CREBBP: variants seen among roughly 807,000 people sequenced by gnomAD.
CREBBP encodes CREB-binding protein.
CREBBP carries 19 observed loss-of-function variants against 265.0 expected under a neutral mutation model. That is an observed-to-expected ratio of 0.07 (90% CI 0.05 to 0.11). The LOEUF (loss-of-function observed/expected upper bound fraction) is 0.11, where lower values mean the gene tolerates loss of function less well. Ranked by LOEUF, CREBBP falls within the 10% of genes least tolerant of loss-of-function variation. CREBBP has a pLI of 1.00. For missense variants in CREBBP, 2,525 were observed against 3,219.0 expected, an observed-to-expected ratio of 0.78 and a Z score of 5.22; for synonymous variants, 1,457 against 1,223.7, an observed-to-expected ratio of 1.19 and a Z score of -3.98.
intron 3 of CREBBP, among the ~76,000 whole-genome samples, chr16:3,795,622 T>A (rs1055584118): frequency 1.3e-5 from 2 of 152,330 alleles, no homozygotes; most frequent in East Asian, 1.9e-4. Context: ...CCCTCCTTTA[T>A]TTTTTATAAC....
Position 3,729,188 on chromosome 16 carries a change from A to T in CREBBP, c.5859T>A (p.Pro1953=), listed in dbSNP as rs202187567. The T allele has an allele frequency of 2.2e-6, 2 of 900,304 alleles. No homozygotes were observed. Among genetic ancestry groups the T allele is most frequent in the African/African-American group, 4.6e-5 (2 of 43,136 alleles). 55.8% of individuals were successfully genotyped at this position (900,304 alleles called of 1,614,324 possible). ...PAPPPPAQPP[P]AAVEAARQIE... is the part of the protein sequence containing the mutation. ...TCTGCCGAGCCGCTTCCACCGCTGC[A>T]GGAGGGGGCTGGGCCGGGGGTGGGG... Residue 1953 remains proline, a synonymous_variant, in exon 31 of 31, where the codon CCT becomes CCA. Coordinates refer to ENST00000262367, the MANE Select transcript of CREBBP (RefSeq NM_004380.3).
At chr16:3,808,249 G>A (rs2053870509) in intron 3 of CREBBP, among the ~76,000 whole-genome samples, 1 of 152,214 alleles carries the variant, frequency 6.6e-6, no homozygotes, top group Non-Finnish European at 1.5e-5. Context: ...AGGATGAGAT[G>A]CTGTTGCTAC....
At chr16:3,738,104 A>G (rs1297602100) in intron 26 of CREBBP, among the ~76,000 whole-genome samples, 1 of 151,794 alleles carries the variant, frequency 6.6e-6, no homozygotes, top group East Asian at 1.9e-4. Context: ...AATTTTTAGT[A>G]GAGATGGGGT....
At chr16:3,833,532 C>G (rs559960262) in intron 2 of CREBBP, among the ~76,000 whole-genome samples, 6 of 152,268 alleles carry the variant, frequency 3.9e-5, no homozygotes, top group Admixed American at 2.0e-4. Flanking sequence ...TATTTTTATT[C>G]TCAGACAACA....
chr16:3,768,698 C>A (rs2052924466), intron 15 of CREBBP, among the ~76,000 whole-genome samples: 1 of 152,162 alleles, frequency 6.6e-6, no homozygotes, highest in African/African-American at 2.4e-5. Context: ...ATGCTGAAAG[C>A]ATCTCATTTT....
chr16:3,879,973 G>T lies in CREBBP; in HGVS notation c.-57C>A. On this transcript the variant is annotated 5_prime_UTR_variant, in exon 1 of 31. Transcript: ENST00000262367. ...CGGGCGGCCGGGCCGGCGAGGGCCCGGACGGGGGTCGGGGGCCCTGCCGGC... is the reference window on the plus strand; with the variant it reads ...CGGGCGGCCGGGCCGGCGAGGGCCCTGACGGGGGTCGGGGGCCCTGCCGGC... 1 of 1,532,386 alleles carries T rather than the reference G, an allele frequency of 6.5e-7. No homozygotes were observed. The highest frequency in any genetic ancestry group is 1.2e-5 in the South Asian group (1 of 85,430). The allele number at this position is 1,532,386 out of a possible 1,614,324, so 94.9% of individuals were successfully genotyped here. A position where few individuals can be genotyped will look rare whatever the true frequency, so the allele number is the denominator to read the frequency against.
At chr16:3,862,536 G>A (rs2055098633) in intron 1 of CREBBP, among the ~76,000 whole-genome samples, 1 of 152,154 alleles carries the variant, frequency 6.6e-6, no homozygotes, top group Non-Finnish European at 1.5e-5. Flanking sequence ...TAGAATTTGG[G>A]TTTTCTTGTT....
intron 5 of CREBBP, 122 bp from the exon 6 acceptor site, chr16:3,783,048 A>C: frequency 1.5e-6 from 2 of 1,295,442 alleles, no homozygotes; most frequent in Non-Finnish European, 2.2e-6. Context: ...CATGAATATC[A>C]TAAAGCAGTA....
chr16:3,870,847 G>A (rs554769405), intron 1 of CREBBP, among the ~76,000 whole-genome samples: 18 of 152,194 alleles, frequency 1.2e-4, no homozygotes, highest in African/African-American at 3.6e-4. Flanking sequence ...CATGTACCAA[G>A]ATAATCAAAG....
At chr16:3,787,969 C>T (rs1374854725) in intron 5 of CREBBP, among the ~76,000 whole-genome samples, 3 of 152,188 alleles carry the variant, frequency 2.0e-5, no homozygotes, top group Non-Finnish European at 2.9e-5. Context: ...TTAGCCACTG[C>T]GTCCGGCCAA....
At chr16:3,762,976 G>A (rs749276507) in intron 16 of CREBBP, among the ~76,000 whole-genome samples, 1 of 151,654 alleles carries the variant, frequency 6.6e-6, no homozygotes, top group Non-Finnish European at 1.5e-5. Context: ...GGGTTTCACT[G>A]TATTAGCCAG....
chr16:3,849,423 GTGTGTGTGTGTGTGTGTGT>G (rs2054746654), intron 2 of CREBBP, among the ~76,000 whole-genome samples: 48 of 9,844 alleles, frequency 4.9e-3, no homozygotes, highest in Non-Finnish European at 0.01. Flanking sequence ...GTGTGTGTGT[GTGTGTGTGTGTGTGTGTGT>G]GTGTGTGTGT....
chr16:3,753,892 G>A (rs1341023131), intron 19 of CREBBP, among the ~76,000 whole-genome samples: 1 of 152,190 alleles, frequency 6.6e-6, no homozygotes, highest in Non-Finnish European at 1.5e-5. Flanking sequence ...AATCACAGGT[G>A]AGTCTAAATG....
At position 3,850,859 on chromosome 16, in the gene CREBBP, C is replaced by T. The variant is rs1200676852; in HGVS notation, c.236G>A (p.Gly79Asp). 2 of 1,614,202 alleles carry T rather than the reference C, an allele frequency of 1.2e-6. No homozygotes were observed. The highest frequency in any genetic ancestry group is 1.7e-6 in the Non-Finnish European group (2 of 1,180,050). ...TCCTATTCCTGGGTTGATACTAGAGCCGCTGCCTCCTCGTAGAAGCTCCGA... is the reference window on the plus strand; with the variant it reads ...TCCTATTCCTGGGTTGATACTAGAGTCGCTGCCTCCTCGTAGAAGCTCCGA... ...QLSELLRGGS[G>D]SSINPGIGNV... The change falls in exon 2 of 31, where the codon GGC becomes GAC. Residue 79 changes from glycine to aspartate, a missense_variant. Coordinates refer to ENST00000262367, the MANE Select transcript of CREBBP (RefSeq NM_004380.3).
In CREBBP at chr16:3,727,773, G is replaced by A. The variant is rs545097572; in HGVS notation, c.7274C>T (p.Ser2425Phe). 2 of 1,614,166 alleles carry A rather than the reference G, an allele frequency of 1.2e-6. No individual in the cohort carries two copies. Among genetic ancestry groups the A allele is most frequent in the Non-Finnish European group, 1.7e-6 (2 of 1,180,032 alleles). Residue 2425 changes from serine (S) to phenylalanine (F), a missense_variant, in exon 31 of 31, where the codon TCC becomes TTC. This residue lies in a region of CREBBP where 473 missense variants were observed against 459.3 expected (regional missense o/e 1.03). Coordinates refer to ENST00000262367, the MANE Select transcript of CREBBP (RefSeq NM_004380.3). Reference sequence around the variant, plus strand: ...GTCCCCCGTGGTGTCCCCGACCAGGGACAGTTCGCTGGACAGCGCACTCCT... The same window carrying A: ...GTCCCCCGTGGTGTCCCCGACCAGGAACAGTTCGCTGGACAGCGCACTCCT... ...PSRSALSSEL[S>F]LVGDTTGDTL...
At chr16:3,834,874 T>C (rs1368990772) in intron 2 of CREBBP, among the ~76,000 whole-genome samples, 1 of 152,150 alleles carries the variant, frequency 6.6e-6, no homozygotes, top group African/African-American at 2.4e-5. Flanking sequence ...AAAGCTTTTC[T>C]TGGGCCAGGC....
At chr16:3,847,978 G>A (rs537334750) in intron 2 of CREBBP, among the ~76,000 whole-genome samples, 195 of 152,218 alleles carry the variant, frequency 1.3e-3, no homozygotes, top group African/African-American at 4.6e-3. Context: ...AGACCAGCTT[G>A]GCCAACATGG....
intron 5 of CREBBP, chr16:3,784,615 C>A (rs1212046293): frequency 2.0e-5 from 3 of 152,208 alleles, no homozygotes; most frequent in African/African-American, 7.2e-5. Context: ...TAAGGAAGAA[C>A]AGGGCTACAC....
chr16:3,770,592 T>C lies in CREBBP; in HGVS notation c.2858A>G (p.His953Arg), dbSNP rs2141198718. 1 of 1,613,458 alleles carries C rather than the reference T, an allele frequency of 6.2e-7. No individual in the cohort carries two copies. The highest frequency in any genetic ancestry group is 1.7e-5 in the Admixed American group (1 of 60,006). Residue 953 changes from histidine to arginine, a missense_variant, in exon 14 of 31, where the codon CAC becomes CGC. By Grantham distance (29) the His-to-Arg change is conservative. Around this residue, in one of 19 missense-constraint regions of CREBBP, gnomAD observed 548 missense variants for 533.0 expected, o/e 1.03. Transcript: ENST00000262367. ...TACCGGTGTGCCAGGAGGCTGGGCGTGCACAGGCGTCGGCTGTTGCTGCGA... is the reference window on the plus strand; with the variant it reads ...TACCGGTGTGCCAGGAGGCTGGGCGCGCACAGGCGTCGGCTGTTGCTGCGA... ...QSSQQQPTPV[H>R]AQPPGTPLSQ...
Sources: gnomAD v4.1 joint callset for allele counts (sites outside exome capture counted in the v4.1 genomes callset) on GRCh38, gnomAD v4.1.1 for gene constraint, gnomAD v4.1.1 regional missense constraint, MANE v1.5 for transcripts, NCBI Gene and HGNC (gene_info 2026-07-23, HGNC 2026-07-21) for gene names.